The following NUMB variants were observed in gnomAD, a reference collection of about 807,000 sequenced individuals.
NUMB encodes protein numb homolog.
In NUMB, 29 loss-of-function variants were observed where a neutral mutation model predicts 59.7. The ratio of observed to expected loss-of-function variants is 0.49; its 90% confidence interval spans 0.36 to 0.66. The LOEUF (loss-of-function observed/expected upper bound fraction) is 0.66, where lower values mean the gene tolerates loss of function less well. Among genes scored for constraint, NUMB ranks in the 30% least tolerant of loss-of-function variants. NUMB has a pLI of 0.00. For missense variants in NUMB, 723 were observed against 822.0 expected, an observed-to-expected ratio of 0.88 and a Z score of 1.47; for synonymous variants, 288 against 288.2, an observed-to-expected ratio of 1.00 and a Z score of 0.01.
chr14:73,366,333 T>C (rs185845522), intron 3 of NUMB, among the ~76,000 whole-genome samples: 7 of 152,348 alleles, frequency 4.6e-5, no homozygotes, highest in South Asian at 2.1e-4. Flanking sequence ...TTTTGGTTTA[T>C]GTAAGTTTTG....
At chr14:73,357,888 C>CA (rs200911758) in intron 3 of NUMB, among the ~76,000 whole-genome samples, 23,134 of 146,802 alleles carry the variant, frequency 0.16, 2,581 homozygotes, top group Non-Finnish European at 0.23. Flanking sequence ...TGAGGCCCCC[C>CA]CCAAAAAAAA....
chr14:73,345,494 A>C (rs1892868306), intron 4 of NUMB, among the ~76,000 whole-genome samples: 1 of 152,204 alleles, frequency 6.6e-6, no homozygotes, highest in Non-Finnish European at 1.5e-5. Flanking sequence ...AAAATAAAAG[A>C]TTTAAAAAAA....
At chr14:73,431,550 C>G (rs977183316) in intron 1 of NUMB, among the ~76,000 whole-genome samples, 1 of 151,612 alleles carries the variant, frequency 6.6e-6, no homozygotes, top group African/African-American at 2.4e-5. Context: ...AGTTCGAGAT[C>G]AGCCTGGCCA....
chr14:73,293,537 G>A (rs1246715757), intron 7 of NUMB, among the ~76,000 whole-genome samples: 7 of 151,818 alleles, frequency 4.6e-5, no homozygotes, highest in Admixed American at 1.3e-4. Flanking sequence ...GACTACAGGC[G>A]TGTGCCACCA....
chr14:73,280,984 C>A (rs549222764), intron 11 of NUMB, among the ~76,000 whole-genome samples: 1 of 152,152 alleles, frequency 6.6e-6, no homozygotes. Context: ...GCCACCGCAC[C>A]CAGCCGGTGT....
intron 8 of NUMB, among the ~76,000 whole-genome samples, chr14:73,292,400 A>C (rs1267083745): frequency 6.6e-6 from 1 of 152,240 alleles, no homozygotes; most frequent in African/African-American, 2.4e-5. Flanking sequence ...TACCATACTC[A>C]TATATGTTAG....
intron 4 of NUMB, among the ~76,000 whole-genome samples, 199 bp from the exon 5 acceptor site, chr14:73,323,403 C>A (rs933662085): frequency 6.6e-6 from 1 of 152,188 alleles, no homozygotes; most frequent in Non-Finnish European, 1.5e-5. Context: ...AAGAAATACA[C>A]AGCCAGTGAA....
intron 1 of NUMB, among the ~76,000 whole-genome samples, chr14:73,412,066 A>G (rs896363700): frequency 2.0e-5 from 3 of 151,694 alleles, no homozygotes; most frequent in Non-Finnish European, 2.9e-5. Flanking sequence ...CTAGGACTAC[A>G]GATGCATGCC....
intron 4 of NUMB, among the ~76,000 whole-genome samples, chr14:73,340,705 T>C (rs1892588149): frequency 6.6e-6 from 1 of 152,180 alleles, no homozygotes. Flanking sequence ...CTAAACAATA[T>C]TAAAAGTCAT....
At chr14:73,297,336 A>T (rs775757909) in intron 6 of NUMB, 51 bp from the exon 7 acceptor site, 51 of 1,075,384 alleles carry the variant, frequency 4.7e-5, no homozygotes, top group Admixed American at 7.9e-5. Context: ...ATATAATATT[A>T]AAAAAATGTC....
At chr14:73,392,101 C>A (rs1185398406) in intron 2 of NUMB, among the ~76,000 whole-genome samples, 1 of 152,150 alleles carries the variant, frequency 6.6e-6, no homozygotes, top group Non-Finnish European at 1.5e-5. Context: ...AACTATACAA[C>A]CAATGTGAAC....
chr14:73,429,908 G>A (rs891362325), intron 1 of NUMB, among the ~76,000 whole-genome samples: 10 of 150,862 alleles, frequency 6.6e-5, no homozygotes, highest in Admixed American at 6.6e-4. Context: ...TCGCACCACT[G>A]CACTCCAGCC....
chr14:73,443,546 G>A (rs889961023), intron 1 of NUMB, among the ~76,000 whole-genome samples: 1 of 146,470 alleles, frequency 6.8e-6, no homozygotes, highest in Non-Finnish European at 1.5e-5. Context: ...AGTGAGCCGA[G>A]ACCATGCCAT....
chr14:73,336,958 A>C (rs1336824072), intron 4 of NUMB, among the ~76,000 whole-genome samples: 2 of 152,168 alleles, frequency 1.3e-5, no homozygotes, highest in African/African-American at 4.8e-5. Context: ...TCGGCTAGGC[A>C]TGGTGGCATG....
intron 3 of NUMB, among the ~76,000 whole-genome samples, chr14:73,361,490 G>A (rs1894095089): frequency 6.6e-6 from 1 of 151,522 alleles, no homozygotes; most frequent in African/African-American, 2.4e-5. Context: ...TTCAGTTTGG[G>A]GGTACATGTG....
chr14:73,398,118 C>A (rs17782022), intron 2 of NUMB, among the ~76,000 whole-genome samples: 4,955 of 152,214 alleles, frequency 0.033, 121 homozygotes, highest in Non-Finnish European at 0.047. Context: ...AATATAATCC[C>A]ACTAGCTTTG....
intron 6 of NUMB, among the ~76,000 whole-genome samples, chr14:73,314,609 G>A (rs1047113452): frequency 2.6e-5 from 4 of 152,042 alleles, no homozygotes; most frequent in East Asian, 1.9e-4. Flanking sequence ...CCTGAGTAGC[G>A]TGCACCACCA....
chr14:73,357,081 G>A (rs1893827985), intron 3 of NUMB: 1 of 871,808 alleles, frequency 1.1e-6, no homozygotes, highest in Non-Finnish European at 1.4e-6. Context: ...AAATGACAAA[G>A]GTACAAGTTT....
Position 73,387,025 on chromosome 14 carries a change from C to T in NUMB, c.-100-20044G>A, listed in dbSNP as rs1895574633. 3.3e-5 allele frequency among the ~76,000 whole-genome samples: 5 copies of T among 149,882 alleles called. No individual in the cohort carries two copies. The South Asian group carries it at 8.6e-4, about 26-fold the overall frequency. On this transcript the variant is annotated intron_variant, in intron 2 of 12. Transcript: ENST00000555238. ...CCTCCCAAGTAGCTGGGACTACAGGCGCCCGCCACTACGCCCGGCTAATTT... is the reference window on the plus strand; with the variant it reads ...CCTCCCAAGTAGCTGGGACTACAGGTGCCCGCCACTACGCCCGGCTAATTT...
Sources: allele counts gnomAD v4.1 joint callset (sites outside exome capture counted in the v4.1 genomes callset), GRCh38; gene constraint gnomAD v4.1.1; transcripts MANE v1.5; gene names NCBI Gene and HGNC (gene_info 2026-07-23, HGNC 2026-07-21).